The following SLC26A2 variants were observed in gnomAD, a reference collection of about 807,000 sequenced individuals.
SLC26A2 encodes the protein solute carrier family 26 member 2.
Under a neutral mutation model 41.1 loss-of-function variants are expected in SLC26A2, and 36 were observed. The ratio of observed to expected loss-of-function variants is 0.88; its 90% CI spans 0.67 to 1.16. The LOEUF (loss-of-function observed/expected upper bound fraction) is 1.16. Among genes scored for constraint, SLC26A2 ranks in the 50% most tolerant of loss-of-function variants. The pLI, the probability that SLC26A2 is intolerant of heterozygous loss-of-function variation, is 0.00. For missense variants in SLC26A2, 796 were observed against 869.6 expected (o/e 0.92, Z 1.07); for synonymous variants, 291 against 311.6 (o/e 0.93, Z 0.70).
chr5:149,978,423 G>C, intron 2 of SLC26A2, 72 bp downstream of exon 2: 1 of 1,175,838 alleles, frequency 8.5e-7, no homozygotes, highest in Non-Finnish European at 1.3e-6. Context: ...ATCTCTAAGG[G>C]ATCTGAGGAA....
At chr5:149,963,566 C>A (rs985200190) in intron 1 of SLC26A2, among the ~76,000 whole-genome samples, 1 of 151,918 alleles carries the variant, frequency 6.6e-6, no homozygotes, top group East Asian at 1.9e-4. Flanking sequence ...CGTGAGCCAC[C>A]GCGCCTGGCC....
chr5:149,965,067 G>A (rs778164638), intron 1 of SLC26A2, among the ~76,000 whole-genome samples: 1 of 152,212 alleles, frequency 6.6e-6, no homozygotes, highest in Non-Finnish European at 1.5e-5. Context: ...TAGTATGGAA[G>A]TGTTCCATGT....
chr5:149,973,074 T>G (rs1754932468), intron 1 of SLC26A2, among the ~76,000 whole-genome samples: 1 of 152,168 alleles, frequency 6.6e-6, no homozygotes, highest in African/African-American at 2.4e-5. Flanking sequence ...GTCCCAGCAC[T>G]TTGGGAGACC....
Position 149,981,194 on chromosome 5 carries a change from G to C in SLC26A2, c.1601G>C (p.Gly534Ala). The C allele has an allele frequency of 6.2e-7, 1 of 1,614,066 alleles. No homozygotes were observed. Among genetic ancestry groups the C allele is most frequent in the Non-Finnish European group, 8.5e-7 (1 of 1,179,996 alleles). ...AGTACTGAAATAGGCCTACTTGTTG[G>C]GGTTTGTTTTTCTATATTTTGTGTC... ...LLSTEIGLLV[G>A]VCFSIFCVIL... The change falls in exon 3 of 3, where the codon GGG becomes GCG. Residue 534 changes from glycine to alanine, a missense_variant. Physicochemically the swap from Gly to Ala is moderately conservative, Grantham distance 60. Coordinates refer to ENST00000286298, the MANE Select transcript of SLC26A2 (RefSeq NM_000112.4).
At position 149,986,970 on chromosome 5, in the gene SLC26A2, A is replaced by G. The variant is rs540805475; in HGVS notation, c.*5157A>G. 3 of 152,362 alleles carry G rather than the reference A, an allele frequency of 2.0e-5. No individual in the cohort carries two copies. Among genetic ancestry groups the G allele is most frequent in the East Asian group, 3.9e-4 (2 of 5,190 alleles). 9.4% of individuals were successfully genotyped at this position (152,362 alleles called of 1,614,324 possible). On this transcript the variant is annotated 3_prime_UTR_variant, in exon 3 of 3. Coordinates refer to ENST00000286298, the MANE Select transcript of SLC26A2 (RefSeq NM_000112.4). ...GAAATGAGTGTGTATGAACATACCA[A>G]TCTATGTAATAGGCTACCTTTTTTT...
chr5:149,965,214 G>A (rs1290349282), intron 1 of SLC26A2, among the ~76,000 whole-genome samples: 1 of 152,148 alleles, frequency 6.6e-6, no homozygotes, highest in Non-Finnish European at 1.5e-5. Context: ...TGGGCGCGGT[G>A]GCTCACGCCT....
intron 1 of SLC26A2, among the ~76,000 whole-genome samples, chr5:149,965,475 G>C (rs571199047): frequency 1.9e-4 from 16 of 84,096 alleles, no homozygotes; most frequent in Admixed American, 7.8e-4. Flanking sequence ...GCAAGACTCT[G>C]TCTCAAAAAA....
In SLC26A2 at chr5:149,960,789, CG is replaced by C. The variant is rs1754684519; in HGVS notation, c.-215del. 1 of 152,364 alleles carries C rather than the reference CG, an allele frequency of 6.6e-6. No homozygotes were observed. The highest frequency in any genetic ancestry group is 6.5e-5 in the Admixed American group (1 of 15,292). The allele number at this position is 152,364 out of a possible 1,614,324, so 9.4% of individuals were successfully genotyped here. A position where few individuals can be genotyped will look rare whatever the true frequency, so the allele number is the denominator to read the frequency against. The stretch of plus-strand genomic sequence containing the variant: ...ACTGGCTCTGCCTCCGGCATCTCTT[CG>C]CCGGTGCGTCCTCGCCGCGCCCGTA... On this transcript the variant is annotated 5_prime_UTR_variant, in exon 1 of 3. Coordinates refer to ENST00000286298, the MANE Select transcript of SLC26A2 (RefSeq NM_000112.4).
chr5:149,981,869 A>T lies in SLC26A2; in HGVS notation c.*56A>T. On this transcript the variant is annotated 3_prime_UTR_variant, in exon 3 of 3. Transcript: ENST00000286298. The stretch of plus-strand genomic sequence containing the variant: ...AATAGGTTAAAATTTCAAGTGTCCA[A>T]CATTTCCCAGTTCCACAGTGGGAAA... 7.2e-7 allele frequency: 1 copy of T among 1,389,904 alleles called. No individual in the cohort carries two copies. Among genetic ancestry groups the T allele is most frequent in the Non-Finnish European group, 1.0e-6 (1 of 990,118 alleles). The allele number at this position is 1,389,904 out of a possible 1,614,324, so 86.1% of individuals were successfully genotyped here. A position where few individuals can be genotyped will look rare whatever the true frequency, so the allele number is the denominator to read the frequency against.
intron 1 of SLC26A2, among the ~76,000 whole-genome samples, chr5:149,972,480 G>A (rs1404168785): frequency 6.6e-6 from 1 of 152,176 alleles, no homozygotes; most frequent in African/African-American, 2.4e-5. Context: ...TAGAGTAGCT[G>A]AATTTTAAGG....
chr5:149,963,932 A>T (rs1322193689), intron 1 of SLC26A2, among the ~76,000 whole-genome samples: 1 of 151,908 alleles, frequency 6.6e-6, no homozygotes, highest in East Asian at 1.9e-4. Flanking sequence ...ATAAGGTGTC[A>T]TTTGAGGTTG....
chr5:149,961,988 T>C (rs907857511), intron 1 of SLC26A2: 2 of 152,256 alleles, frequency 1.3e-5, no homozygotes, highest in African/African-American at 4.8e-5. Context: ...TACCCCATTT[T>C]ACAGGTCAGA....
Position 149,985,692 on chromosome 5 carries a change from T to C in SLC26A2, c.*3879T>C, listed in dbSNP as rs1037842655. ...CGAGTTCTGTGATCCTTATTGTTCTTAATTGTGTTTCTCTACGTATTGTTA... is the reference window on the plus strand; with the variant it reads ...CGAGTTCTGTGATCCTTATTGTTCTCAATTGTGTTTCTCTACGTATTGTTA... On this transcript the variant is annotated 3_prime_UTR_variant, in exon 3 of 3. Transcript: ENST00000286298. The C allele has an allele frequency of 2.6e-5, 4 of 152,224 alleles. No homozygotes were observed. The highest frequency in any genetic ancestry group is 5.9e-5 in the Non-Finnish European group (4 of 68,040). The allele number at this position is 152,224 out of a possible 1,614,324, so 9.4% of individuals were successfully genotyped here. A position where few individuals can be genotyped will look rare whatever the true frequency, so the allele number is the denominator to read the frequency against.
Position 149,980,858 on chromosome 5 carries a change from G to C in SLC26A2, c.1265G>C (p.Gly422Ala), listed in dbSNP as rs1449461806. The C allele has an allele frequency of 1.2e-6, 2 of 1,614,048 alleles. No homozygotes were observed. The change falls in exon 3 of 3, where the codon GGC becomes GCC. Residue 422 changes from glycine to alanine, a missense_variant. Physicochemically the swap from Gly to Ala is moderately conservative, Grantham distance 60. Coordinates refer to ENST00000286298, the MANE Select transcript of SLC26A2 (RefSeq NM_000112.4). The stretch of plus-strand genomic sequence containing the variant: ...GCAAACCAGGAAATGTATGCCATTG[G>C]CTTTTGTAATATCATCCCTTCCTTC... ...VKANQEMYAI[G>A]FCNIIPSFFH...
intron 1 of SLC26A2, among the ~76,000 whole-genome samples, chr5:149,975,994 C>G (rs1280177583): frequency 6.6e-6 from 1 of 152,006 alleles, no homozygotes; most frequent in Non-Finnish European, 1.5e-5. Flanking sequence ...CCTGTCTCTA[C>G]TAAAAATGCA....
At chr5:149,972,908 A>G (rs1321654058) in intron 1 of SLC26A2, among the ~76,000 whole-genome samples, 1 of 151,756 alleles carries the variant, frequency 6.6e-6, no homozygotes, top group East Asian at 1.9e-4. Context: ...ATTCTATTTT[A>G]TCTCTACTAT....
intron 1 of SLC26A2, among the ~76,000 whole-genome samples, chr5:149,961,837 A>G (rs1167786915): frequency 6.6e-6 from 1 of 152,096 alleles, no homozygotes; most frequent in Non-Finnish European, 1.5e-5. Context: ...AAAGGAATGG[A>G]CCCTTTAAAA....
chr5:149,976,214 G>T (rs1276980452), intron 1 of SLC26A2, among the ~76,000 whole-genome samples: 1 of 151,184 alleles, frequency 6.6e-6, no homozygotes, highest in African/African-American at 2.4e-5. Context: ...TTGTTCATTT[G>T]TTCATTCATT....
rs764138177 is a variant in SLC26A2 at position 149,980,614 on chromosome 5, G to T, written c.1021G>T (p.Val341Leu). ...GATTCCTATTGAACTTGTTGTTGTT[G>T]TAGCAGCCACATTAGCCTCTCATTT... Reference protein sequence around the residue: ...APIPIELVVVVAATLASHFGK... With the variant: ...APIPIELVVVLAATLASHFGK... Residue 341 changes from valine (V) to leucine (L), a missense_variant, in exon 3 of 3, where the codon GTA becomes TTA. By Grantham distance (32) the Val-to-Leu change is conservative. Transcript: ENST00000286298. The T allele has an allele frequency of 6.2e-7, 1 of 1,614,094 alleles. No individual in the cohort carries two copies. The highest frequency in any genetic ancestry group is 8.5e-7 in the Non-Finnish European group (1 of 1,179,988).
Sources: gnomAD v4.1 joint callset for allele counts (sites outside exome capture counted in the v4.1 genomes callset) on GRCh38, gnomAD v4.1.1 for gene constraint, MANE v1.5 for transcripts, NCBI Gene and HGNC (gene_info 2026-07-23, HGNC 2026-07-21) for gene names.